The following TACC2 variants were observed in gnomAD, a reference collection of about 807,000 sequenced individuals.
The protein encoded by TACC2 is transforming acidic coiled-coil containing protein 2, also known as transforming acidic coiled-coil-containing protein 2.
A neutral mutation model predicts 227.3 loss-of-function variants in TACC2; 137 were observed. That is an observed-to-expected ratio of 0.60 (90% CI 0.52 to 0.69). The LOEUF is 0.69. TACC2 is among the 30% of genes least tolerant of loss of function. The pLI is 0.00. For synonymous variants in TACC2, 1,523 were observed against 1,487.5 expected (o/e 1.02, Z -0.55); for missense variants, 3,470 against 3,694.4 (o/e 0.94, Z 1.57).
Position 122,216,624 on chromosome 10 carries a change from C to T in TACC2, c.7345-3C>T, listed in dbSNP as rs761993568. On this transcript the variant is annotated splice_polypyrimidine_tract_variant and splice_region_variant and intron_variant, in intron 10 of 22. Coordinates refer to ENST00000369005, the MANE Select transcript of TACC2 (RefSeq NM_206862.4). Reference sequence around the variant, plus strand: ...CAAGAAACAGTTTCTCTTCTCTTTGCAGGACCCCACCCCAGCTGCTACACC... The same window carrying T: ...CAAGAAACAGTTTCTCTTCTCTTTGTAGGACCCCACCCCAGCTGCTACACC... 1.2e-6 allele frequency: 2 copies of T among 1,612,882 alleles called. No homozygotes were observed. The highest frequency in any genetic ancestry group is 4.5e-5 in the East Asian group (2 of 44,844).
chr10:122,110,979 C>A (rs912265674), intron 5 of TACC2, among the ~76,000 whole-genome samples: 1 of 152,166 alleles, frequency 6.6e-6, no homozygotes, highest in African/African-American at 2.4e-5. Flanking sequence ...ACTCACATTC[C>A]CTGGCTCGTG....
chr10:122,159,415 C>T (rs1232068427), intron 7 of TACC2, among the ~76,000 whole-genome samples: 1 of 152,208 alleles, frequency 6.6e-6, no homozygotes, highest in Non-Finnish European at 1.5e-5. Context: ...GCTCACATGT[C>T]CCTGCTCCTG....
chr10:122,066,805 T>G (rs1485219644), intron 3 of TACC2, among the ~76,000 whole-genome samples: 1 of 152,232 alleles, frequency 6.6e-6, no homozygotes, highest in Non-Finnish European at 1.5e-5. Context: ...TTTTTCCTCC[T>G]TTTTTGCCTT....
At chr10:122,230,115 G>T (rs888423719) in intron 15 of TACC2, among the ~76,000 whole-genome samples, 6 of 152,152 alleles carry the variant, frequency 3.9e-5, no homozygotes, top group Admixed American at 3.3e-4. Context: ...AAATCATTTC[G>T]TATTCAACTG....
intron 7 of TACC2, among the ~76,000 whole-genome samples, chr10:122,159,741 C>T (rs2092706265): frequency 6.6e-6 from 1 of 152,146 alleles, no homozygotes; most frequent in Admixed American, 6.5e-5. Context: ...GCCCTGTTCT[C>T]CATCTGTGTT....
chr10:122,217,674 A>G (rs1405614223), intron 11 of TACC2, among the ~76,000 whole-genome samples: 5 of 151,894 alleles, frequency 3.3e-5, no homozygotes, highest in East Asian at 1.9e-4. Flanking sequence ...TCCTGACCTC[A>G]GGTGATCTGC....
At chr10:122,234,441 G>GT (rs1318293809) in intron 16 of TACC2, among the ~76,000 whole-genome samples, 3 of 152,216 alleles carry the variant, frequency 2.0e-5, no homozygotes, top group African/African-American at 7.2e-5. Context: ...GCAAGTGGGG[G>GT]TTATGTGAGA....
At chr10:122,090,130 A>G (rs1372350844) in intron 5 of TACC2, among the ~76,000 whole-genome samples, 2 of 151,798 alleles carry the variant, frequency 1.3e-5, no homozygotes, top group Non-Finnish European at 2.9e-5. Context: ...GGCCAGATGT[A>G]TAGTAGTACA....
Position 122,085,921 on chromosome 10 carries a change from C to G in TACC2, c.3421C>G (p.Pro1141Ala). The part of the protein sequence containing the change: ...ETGGSAGAGD[P>A]GKQQAPEKPG... ...TGGTGGCAGCGCTGGTGCAGGAGAC[C>G]CAGGAAAGCAGCAGGCTCCGGAGAA... The change falls in exon 4 of 23, where the codon CCA becomes GCA. Residue 1141 changes from proline to alanine, a missense_variant. By Grantham distance (27) the Pro-to-Ala change is conservative. Around this residue, in one of 10 missense-constraint regions of TACC2, gnomAD observed 1,924 missense variants for 1,978.3 expected, o/e 0.97. Transcript: ENST00000369005. 2 of 1,613,172 alleles carry G rather than the reference C, an allele frequency of 1.2e-6. No individual in the cohort carries two copies. The highest frequency in any genetic ancestry group is 1.7e-6 in the Non-Finnish European group (2 of 1,179,528).
chr10:121,999,951 G>C (rs1954069777), intron 1 of TACC2, among the ~76,000 whole-genome samples: 1 of 152,238 alleles, frequency 6.6e-6, no homozygotes, highest in Non-Finnish European at 1.5e-5. Flanking sequence ...GCCAGGAGTA[G>C]TGGTCAGACA....
At chr10:122,088,438 T>A (rs570222871) in intron 4 of TACC2, 40 bp from the exon 5 acceptor site, 1 of 1,543,306 alleles carries the variant, frequency 6.5e-7, no homozygotes. Context: ...TGCCTTACTA[T>A]CTACATTATC....
At chr10:122,217,635 T>C (rs2095437816) in intron 11 of TACC2, among the ~76,000 whole-genome samples, 2 of 152,046 alleles carry the variant, frequency 1.3e-5, no homozygotes, top group African/African-American at 4.8e-5. Flanking sequence ...AAACGGGGTT[T>C]CACCATGTTA....
At chr10:122,182,789 G>A (rs773748100) in intron 7 of TACC2, among the ~76,000 whole-genome samples, 8 of 152,174 alleles carry the variant, frequency 5.3e-5, no homozygotes, top group African/African-American at 1.2e-4. Flanking sequence ...GGGGCATGGC[G>A]TGGAGAAAGA....
chr10:122,074,675 C>T (rs1459429166), intron 3 of TACC2, among the ~76,000 whole-genome samples: 4 of 152,056 alleles, frequency 2.6e-5, no homozygotes, highest in African/African-American at 9.7e-5. Context: ...CCATTCACAA[C>T]CACACAGCAC....
intron 10 of TACC2, 58 bp from the exon 11 acceptor site, chr10:122,216,569 G>C (rs1208991514): frequency 6.4e-7 from 1 of 1,564,602 alleles, no homozygotes; most frequent in African/African-American, 1.4e-5. Context: ...CTGAGGGTGG[G>C]CACAGTTTCT....
Position 122,050,705 on chromosome 10 carries a change from G to C in TACC2, c.146+155G>C, listed in dbSNP as rs2075576836. 1.5e-5 allele frequency: 9 copies of C among 615,744 alleles called. No individual in the cohort carries two copies. The highest frequency in any genetic ancestry group is 2.6e-5 in the Non-Finnish European group (9 of 344,970). 38.1% of individuals were successfully genotyped at this position (615,744 alleles called of 1,614,324 possible). On this transcript the variant is annotated intron_variant, in intron 3 of 22. Coordinates refer to ENST00000369005, the MANE Select transcript of TACC2 (RefSeq NM_206862.4). The surrounding 1 kb of genome is among the most constrained non-coding windows in gnomAD (Gnocchi z 4.6). ...GAGATGTTCCAAGCAGTGGTTCACA[G>C]ACCTCTCTGTGACTGGCTAGGCCTG...
intron 7 of TACC2, among the ~76,000 whole-genome samples, chr10:122,176,097 CTCTCTCTCTCTCTCTCTCTCTATA>C (rs1189060579): frequency 1.7e-3 from 148 of 87,444 alleles, no homozygotes; most frequent in Middle Eastern, 5.1e-3. Context: ...CTCTCTCTCT[CTCTCTCTCTCTCTCTCTCTCTATA>C]TATATATATA....
At chr10:122,179,140 A>G (rs1295161864) in intron 7 of TACC2, among the ~76,000 whole-genome samples, 1 of 152,220 alleles carries the variant, frequency 6.6e-6, no homozygotes, top group African/African-American at 2.4e-5. Flanking sequence ...TCAATACCTT[A>G]TCCTGTTTCT....
At chr10:122,200,638 C>G (rs2094770022) in intron 8 of TACC2, among the ~76,000 whole-genome samples, 1 of 149,456 alleles carries the variant, frequency 6.7e-6, no homozygotes, top group South Asian at 2.1e-4. Context: ...ACCTCACCTG[C>G]CCACAGTGGC....
Sources: allele counts gnomAD v4.1 joint callset (sites outside exome capture counted in the v4.1 genomes callset), GRCh38; gene constraint gnomAD v4.1.1; regional missense constraint gnomAD v4.1.1; non-coding constraint Gnocchi (gnomAD v3.1); transcripts MANE v1.5; gene names NCBI Gene and HGNC (gene_info 2026-07-23, HGNC 2026-07-21).